LZTFL1: variants seen among roughly 807,000 people sequenced by gnomAD.
The protein encoded by LZTFL1 is leucine zipper transcription factor like 1, also known as leucine zipper transcription factor-like protein 1.
LZTFL1 carries 25 observed loss-of-function variants against 45.9 expected under a neutral mutation model. The observed-to-expected ratio is 0.54, with a 90% CI of 0.40 to 0.76. The LOEUF (loss-of-function observed/expected upper bound fraction) is 0.76, where lower values mean the gene tolerates loss of function less well. LZTFL1 is among the 30% of genes least tolerant of loss of function. LZTFL1 has a pLI of 0.00. For missense variants in LZTFL1, 277 were observed against 331.1 expected (o/e 0.84, Z 1.27); for synonymous variants, 93 against 117.4 (o/e 0.79, Z 1.35).
At chr3:45,837,884 A>C (rs756394350) in intron 2 of LZTFL1, 43 bp downstream of exon 2, 1 of 1,549,148 alleles carries the variant, frequency 6.5e-7, no homozygotes, top group Non-Finnish European at 8.7e-7. Flanking sequence ...ACCAGAAAGA[A>C]TCCATGTTCC....
At chr3:45,912,901 C>T (rs1277109288) in intron 2 of LZTFL1, among the ~76,000 whole-genome samples, 1 of 152,202 alleles carries the variant, frequency 6.6e-6, no homozygotes, top group African/African-American at 2.4e-5. Flanking sequence ...CTTGGTCTGA[C>T]AACAGGTAAC....
chr3:45,831,002 T>C lies in LZTFL1; in HGVS notation c.523-12A>G. On this transcript the variant is annotated splice_polypyrimidine_tract_variant and intron_variant, in intron 6 of 9. Transcript: ENST00000296135. ...AGTGCATTTGTAGCCTATAGTGAAG[T>C]TTAAACAAAACACTTTCAGTATTTA... 1.2e-6 allele frequency: 2 copies of C among 1,612,768 alleles called. No homozygotes were observed. Among genetic ancestry groups the C allele is most frequent in the Non-Finnish European group, 1.7e-6 (2 of 1,178,952 alleles).
exon 1 of LZTFL1, chr3:45,915,445 C>A (rs1421850882): frequency 2.2e-6 from 1 of 451,248 alleles, no homozygotes; most frequent in South Asian, 1.6e-5. Flanking sequence ...TTTTGGCCTC[C>A]CAGAAATGGC....
intron 4 of LZTFL1, among the ~76,000 whole-genome samples, chr3:45,854,149 C>G (rs555580300): frequency 1.2e-4 from 19 of 152,314 alleles, no homozygotes; most frequent in African/African-American, 4.6e-4. Context: ...GCTACACACC[C>G]CTGAACATTG....
At chr3:45,890,838 C>T (rs538559250) in intron 2 of LZTFL1, among the ~76,000 whole-genome samples, 9 of 152,308 alleles carry the variant, frequency 5.9e-5, no homozygotes, top group African/African-American at 1.7e-4. Context: ...GGGGCACAGC[C>T]CCTGTCGGAA....
Position 45,913,152 on chromosome 3 carries a change from A to C in LZTFL1, c.-247T>G, listed in dbSNP as rs576767569. 9 of 1,535,886 alleles carry C rather than the reference A, an allele frequency of 5.9e-6. No individual in the cohort carries two copies. Among genetic ancestry groups the C allele is most frequent in the Non-Finnish European group, 7.8e-6 (9 of 1,146,820 alleles). On this transcript the variant is annotated 5_prime_UTR_variant, in exon 2 of 5. Coordinates refer to the LZTFL1 transcript ENST00000472635. ...CCTGGGTCTTGGTTCCTCATCTGTA[A>C]AAGTGGGCTGACTTACAGCAAGAGC...
chr3:45,907,774 G>T (rs1385198333), intron 2 of LZTFL1, among the ~76,000 whole-genome samples: 4 of 152,132 alleles, frequency 2.6e-5, no homozygotes, highest in Non-Finnish European at 4.4e-5. Flanking sequence ...CCTACTGATT[G>T]ATCCTCTGAC....
chr3:45,857,033 G>A lies in LZTFL1; in HGVS notation c.-138+1907C>T, dbSNP rs565609859. On this transcript the variant is annotated intron_variant, in intron 3 of 4. Coordinates refer to the LZTFL1 transcript ENST00000472635. ...TCCCACTACTGGGTATATACCCAAT[G>A]GAATAGAAATCATTCTATGATAAAG... Among the ~76,000 whole-genome samples the A allele has an allele frequency of 2.6e-5, 4 of 152,220 alleles. No homozygotes were observed. In the East Asian group the frequency reaches 7.7e-4, roughly 29 times the overall value.
chr3:45,872,195 G>T (rs1014422663), intron 2 of LZTFL1, among the ~76,000 whole-genome samples: 4 of 152,190 alleles, frequency 2.6e-5, no homozygotes, highest in African/African-American at 9.7e-5. Flanking sequence ...GGCCAGAAAG[G>T]AAGGGGAAGG....
chr3:45,862,572 A>T (rs2125710015), intron 2 of LZTFL1, among the ~76,000 whole-genome samples: 1 of 152,356 alleles, frequency 6.6e-6, no homozygotes, highest in Admixed American at 6.5e-5. Context: ...GGAAACAGTG[A>T]CTTACTGAGG....
intron 2 of LZTFL1, among the ~76,000 whole-genome samples, chr3:45,866,189 T>C (rs1302093952): frequency 6.6e-6 from 1 of 152,188 alleles, no homozygotes; most frequent in Non-Finnish European, 1.5e-5. Context: ...TTTGGGGTGA[T>C]GGATATGTTC....
chr3:45,862,041 C>T (rs190969710), intron 2 of LZTFL1, among the ~76,000 whole-genome samples: 151 of 152,238 alleles, frequency 9.9e-4, no homozygotes, highest in African/African-American at 3.3e-3. Context: ...TCATATACGA[C>T]CAGCTATGGA....
intron 2 of LZTFL1, chr3:45,902,490 G>A (rs1702590690): frequency 6.0e-6 from 1 of 167,156 alleles, no homozygotes; most frequent in African/African-American, 2.4e-5. Context: ...TCCTTGTTCT[G>A]ATTTTGAAAC....
At chr3:45,867,017 G>T (rs542051574) in intron 2 of LZTFL1, among the ~76,000 whole-genome samples, 2 of 151,684 alleles carry the variant, frequency 1.3e-5, no homozygotes, top group African/African-American at 4.8e-5. Flanking sequence ...GCATGGTGGC[G>T]CATGCCTGTA....
intron 4 of LZTFL1, among the ~76,000 whole-genome samples, chr3:45,833,609 T>C (rs549761519): frequency 5.3e-5 from 8 of 152,298 alleles, no homozygotes; most frequent in Non-Finnish European, 1.2e-4. Flanking sequence ...GTAATATATA[T>C]TAAAAATAAA....
intron 2 of LZTFL1, among the ~76,000 whole-genome samples, chr3:45,899,898 C>T (rs1168328153): frequency 6.6e-6 from 1 of 152,088 alleles, no homozygotes; most frequent in African/African-American, 2.4e-5. Flanking sequence ...GCTTCAGGAA[C>T]CCAGAAAAAG....
chr3:45,873,118 T>A (rs1319228484), intron 2 of LZTFL1, among the ~76,000 whole-genome samples: 2 of 152,256 alleles, frequency 1.3e-5, no homozygotes, highest in Admixed American at 1.3e-4. Flanking sequence ...TTCCTTGTTC[T>A]AATTTCCCCA....
intron 1 of LZTFL1, chr3:45,913,307 T>A: frequency 2.5e-6 from 1 of 406,338 alleles, no homozygotes; most frequent in Non-Finnish European, 4.2e-6. Flanking sequence ...ATCCTTAACT[T>A]TTTTTTTTTT....
chr3:45,894,454 G>A (rs192311087), intron 2 of LZTFL1, among the ~76,000 whole-genome samples: 32 of 152,312 alleles, frequency 2.1e-4, no homozygotes, highest in Admixed American at 1.6e-3. Flanking sequence ...CCACTGTCCT[G>A]TTAGCTTCGG....
Sources: allele counts gnomAD v4.1 joint callset (sites outside exome capture counted in the v4.1 genomes callset), GRCh38; gene constraint gnomAD v4.1.1; transcripts MANE v1.5; gene names NCBI Gene and HGNC (gene_info 2026-07-23, HGNC 2026-07-21).